MARCHF1: variants seen among roughly 807,000 people sequenced by gnomAD.
MARCHF1 encodes membrane associated ring-CH-type finger 1, also known as E3 ubiquitin-protein ligase MARCHF1.
A neutral mutation model predicts 54.2 loss-of-function variants in MARCHF1; 40 were observed. The ratio of observed to expected loss-of-function variants is 0.74; its 90% confidence interval spans 0.57 to 0.96. The LOEUF is 0.96. Ranked by LOEUF, MARCHF1 falls within the 40% of genes least tolerant of loss-of-function variation. The pLI, the probability that MARCHF1 is intolerant of heterozygous loss-of-function variation, is 0.00. For missense variants in MARCHF1, 586 were observed against 656.5 expected, an observed-to-expected ratio of 0.89 and a Z score of 1.17; for synonymous variants, 236 against 236.3, an observed-to-expected ratio of 1.00 and a Z score of 0.01.
chr4:163,779,716 T>C (rs1176082309), intron 4 of MARCHF1, among the ~76,000 whole-genome samples: 1 of 152,112 alleles, frequency 6.6e-6, no homozygotes, highest in East Asian at 1.9e-4. Flanking sequence ...GGGAACAAAG[T>C]GGGAGATATT....
chr4:163,545,495 T>G, intron 9 of MARCHF1, 101 bp downstream of exon 9: 1 of 1,077,710 alleles, frequency 9.3e-7, no homozygotes, highest in Non-Finnish European at 1.3e-6. Context: ...TTCTAGTGTA[T>G]CATACATGAT....
intron 3 of MARCHF1, among the ~76,000 whole-genome samples, chr4:163,908,183 T>A (rs750786668): frequency 1.3e-5 from 2 of 152,180 alleles, no homozygotes; most frequent in Non-Finnish European, 2.9e-5. Context: ...CAAAAGATTT[T>A]AATCAGCAGC....
chr4:164,221,204 G>A (rs1315731164), intron 1 of MARCHF1, among the ~76,000 whole-genome samples: 24 of 152,044 alleles, frequency 1.6e-4, no homozygotes, highest in Admixed American at 1.6e-3. Context: ...AACCATTCTT[G>A]AGAACATGTG....
rs144576428 is a variant in MARCHF1 at position 164,271,319 on chromosome 4, G to C, written c.-323+112551C>G. 1.3e-3 allele frequency among the ~76,000 whole-genome samples: 201 copies of C among 152,232 alleles called. 1 individual carries two copies. The highest frequency in any genetic ancestry group is 4.7e-3 in the African/African-American group (196 of 41,536). On this transcript the variant is annotated intron_variant, in intron 1 of 9. Transcript: ENST00000514618. Reference sequence around the variant, plus strand: ...TCTAATCACATGAGTTCTTAAAAATGGAGAACCTTTTTTAGCTGAGTCTAG... The same window carrying C: ...TCTAATCACATGAGTTCTTAAAAATCGAGAACCTTTTTTAGCTGAGTCTAG...
At chr4:164,147,302 A>G (rs1454254091) in intron 1 of MARCHF1, among the ~76,000 whole-genome samples, 1 of 148,286 alleles carries the variant, frequency 6.7e-6, no homozygotes, top group East Asian at 2.0e-4. Flanking sequence ...ATACCATTTG[A>G]CCCAGCCATC....
intron 1 of MARCHF1, among the ~76,000 whole-genome samples, chr4:164,178,587 A>G (rs1428554047): frequency 6.6e-6 from 1 of 152,182 alleles, no homozygotes; most frequent in East Asian, 1.9e-4. Flanking sequence ...ATCAGATCTA[A>G]GGAGCTCAAG....
At chr4:164,331,710 TATA>T (rs1735438543) in intron 1 of MARCHF1, among the ~76,000 whole-genome samples, 1 of 152,212 alleles carries the variant, frequency 6.6e-6, no homozygotes, top group Non-Finnish European at 1.5e-5. Flanking sequence ...TCTACATATC[TATA>T]ATAATTCTCA....
intron 3 of MARCHF1, among the ~76,000 whole-genome samples, chr4:163,926,136 C>T (rs1218342464): frequency 6.6e-6 from 1 of 151,542 alleles, no homozygotes; most frequent in Non-Finnish European, 1.5e-5. Flanking sequence ...AGTCAAAATG[C>T]AGAACATCCA....
At chr4:164,103,838 G>A (rs371145324) in intron 2 of MARCHF1, among the ~76,000 whole-genome samples, 1 of 129,120 alleles carries the variant, frequency 7.7e-6, no homozygotes. Context: ...CTGGTTTTTT[G>A]AAAGGATCAA....
intron 1 of MARCHF1, among the ~76,000 whole-genome samples, chr4:164,176,974 CTCTCTCTATATATATATATATA>C (rs1488831551): frequency 6.7e-5 from 2 of 29,972 alleles, no homozygotes; most frequent in East Asian, 6.0e-4. Context: ...CTCTCTCTCT[CTCTCTCTATATATATATATATA>C]TATATATATA....
In MARCHF1 at chr4:164,109,330, C is replaced by T. The variant is rs182288656; in HGVS notation, c.-248+2258G>A. ...CTCAAAAGAAGGGATTTTCAAAGTG[C>T]TATCTTCAGTTATTCCTGTGCTTAA... On this transcript the variant is annotated intron_variant, in intron 2 of 9. Coordinates refer to ENST00000514618, the MANE Select transcript of MARCHF1 (RefSeq NM_001394959.1). Among the ~76,000 whole-genome samples the T allele has an allele frequency of 3.7e-3, 566 of 152,044 alleles. 3 individuals carry two copies. The highest frequency in any genetic ancestry group is 0.012 in the African/African-American group (504 of 41,524).
At chr4:164,344,450 G>C (rs1445082811) in intron 1 of MARCHF1, among the ~76,000 whole-genome samples, 1 of 145,086 alleles carries the variant, frequency 6.9e-6, no homozygotes, top group African/African-American at 2.7e-5. Flanking sequence ...TTGTGCACAT[G>C]CACGTGTTTG....
intron 1 of MARCHF1, among the ~76,000 whole-genome samples, chr4:164,119,816 T>A (rs1268458180): frequency 6.6e-6 from 1 of 151,818 alleles, no homozygotes; most frequent in African/African-American, 2.4e-5. Context: ...AAGCTTAAAA[T>A]GGATCAATTT....
chr4:163,879,625 T>A (rs1240313383), intron 3 of MARCHF1, among the ~76,000 whole-genome samples: 2 of 152,132 alleles, frequency 1.3e-5, no homozygotes. Flanking sequence ...AATGCAAATA[T>A]CTGAAAAGTG....
chr4:163,771,547 C>T (rs1359402381), intron 4 of MARCHF1, among the ~76,000 whole-genome samples: 2 of 152,152 alleles, frequency 1.3e-5, no homozygotes, highest in Non-Finnish European at 2.9e-5. Context: ...CAAATGAGCT[C>T]CCTCGGGCCT....
chr4:164,264,580 G>T (rs1055756293), intron 1 of MARCHF1, among the ~76,000 whole-genome samples: 10 of 152,002 alleles, frequency 6.6e-5, no homozygotes, highest in African/African-American at 2.4e-4. Context: ...CAACTGATGA[G>T]GAAACTGAGG....
chr4:163,764,859 T>C (rs1247310253), intron 4 of MARCHF1, among the ~76,000 whole-genome samples: 2 of 152,130 alleles, frequency 1.3e-5, no homozygotes, highest in Admixed American at 6.6e-5. Context: ...TGAGAGCCAA[T>C]AGTTTAACCT....
intron 1 of MARCHF1, among the ~76,000 whole-genome samples, chr4:164,112,230 C>T (rs934193765): frequency 2.0e-5 from 3 of 151,858 alleles, no homozygotes; most frequent in Admixed American, 1.3e-4. Context: ...TATCCACAAG[C>T]CATGTACTTC....
At chr4:164,110,401 T>C (rs1403378579) in intron 2 of MARCHF1, among the ~76,000 whole-genome samples, 1 of 151,842 alleles carries the variant, frequency 6.6e-6, no homozygotes, top group Non-Finnish European at 1.5e-5. Flanking sequence ...TTTCCCCTTT[T>C]TATGTGATTC....
Sources: allele counts gnomAD v4.1 joint callset (sites outside exome capture counted in the v4.1 genomes callset), GRCh38; gene constraint gnomAD v4.1.1; transcripts MANE v1.5; gene names NCBI Gene and HGNC (gene_info 2026-07-23, HGNC 2026-07-21).